The following LIN28B variants were observed in gnomAD, a reference collection of about 807,000 sequenced individuals.
LIN28B encodes the protein lin-28 RNA binding posttranscriptional regulator B.
A neutral mutation model predicts 21.9 loss-of-function variants in LIN28B; 5 were observed. The ratio of observed to expected loss-of-function variants is 0.23; its 90% CI spans 0.12 to 0.48. The LOEUF is 0.48. LIN28B is among the 20% of genes least tolerant of loss of function. The pLI is 0.98. For synonymous variants in LIN28B, 109 were observed against 111.3 expected, an observed-to-expected ratio of 0.98 and a Z score of 0.13; for missense variants, 245 against 310.5, an observed-to-expected ratio of 0.79 and a Z score of 1.58.
intron 3 of LIN28B, among the ~76,000 whole-genome samples, chr6:105,038,558 C>G (rs1047426816): frequency 3.3e-5 from 5 of 152,168 alleles, no homozygotes; most frequent in African/African-American, 1.2e-4. Context: ...TTCTTCACTT[C>G]CAAATCTTGT....
At chr6:105,017,057 A>G (rs1219559574) in intron 2 of LIN28B, among the ~76,000 whole-genome samples, 1 of 145,872 alleles carries the variant, frequency 6.9e-6, no homozygotes, top group African/African-American at 2.6e-5. Flanking sequence ...TGAGTGACAA[A>G]GCAAGACTCT....
intron 2 of LIN28B, among the ~76,000 whole-genome samples, chr6:104,943,084 C>G (rs1203283324): frequency 6.6e-6 from 1 of 152,092 alleles, no homozygotes; most frequent in Non-Finnish European, 1.5e-5. Context: ...GTATGTCAAT[C>G]TTATACTTTG....
intron 3 of LIN28B, among the ~76,000 whole-genome samples, chr6:105,041,696 G>A (rs1343046682): frequency 1.3e-5 from 2 of 152,166 alleles, no homozygotes; most frequent in Non-Finnish European, 2.9e-5. Context: ...ATGGCTGAAA[G>A]TAGTTGTTCT....
chr6:104,992,651 A>G (rs527859406), intron 2 of LIN28B, among the ~76,000 whole-genome samples: 43 of 152,018 alleles, frequency 2.8e-4, no homozygotes, highest in African/African-American at 1.0e-3. Flanking sequence ...GATCACGGTC[A>G]TGTGCCACCA....
chr6:104,962,134 C>T (rs1769759534), intron 2 of LIN28B, among the ~76,000 whole-genome samples: 1 of 152,040 alleles, frequency 6.6e-6, no homozygotes, highest in Non-Finnish European at 1.5e-5. Flanking sequence ...AGCTTATGTG[C>T]TTAATAATAC....
intron 3 of LIN28B, 42 bp downstream of exon 3, chr6:105,026,524 T>C (rs1188414665): frequency 7.6e-7 from 1 of 1,313,962 alleles, no homozygotes; most frequent in African/African-American, 1.5e-5. Context: ...TTATTGTGTT[T>C]GGAAAGGATT....
chr6:105,054,824 A>C (rs994097971), intron 3 of LIN28B, among the ~76,000 whole-genome samples: 1 of 144,698 alleles, frequency 6.9e-6, no homozygotes, highest in Non-Finnish European at 1.5e-5. Context: ...ATGTGGTTAC[A>C]TTTTTCTTGA....
intron 3 of LIN28B, among the ~76,000 whole-genome samples, chr6:105,037,340 A>C (rs1195652281): frequency 6.6e-6 from 1 of 152,170 alleles, no homozygotes; most frequent in Non-Finnish European, 1.5e-5. Context: ...ATGCAAGTCA[A>C]ATTCTGTTCT....
chr6:104,954,969 A>C (rs557682063), upstream of LIN28B, among the ~76,000 whole-genome samples: 205 of 152,344 alleles, frequency 1.3e-3, no homozygotes, highest in Non-Finnish European at 2.6e-3. Flanking sequence ...AAGCTAAACT[A>C]TACTGGCCTG....
intron 3 of LIN28B, among the ~76,000 whole-genome samples, chr6:105,042,389 T>C (rs1771656502): frequency 6.6e-6 from 1 of 152,212 alleles, no homozygotes; most frequent in Non-Finnish European, 1.5e-5. Flanking sequence ...CAGTGTGACC[T>C]GTACTAAATA....
intron 2 of LIN28B, among the ~76,000 whole-genome samples, chr6:104,981,135 A>G (rs1488837598): frequency 1.3e-5 from 2 of 152,144 alleles, no homozygotes; most frequent in Non-Finnish European, 2.9e-5. Flanking sequence ...TGTGTGTGCT[A>G]TCATTTCCCA....
chr6:105,067,194 A>G (rs932652380), intron 3 of LIN28B, among the ~76,000 whole-genome samples: 4 of 152,242 alleles, frequency 2.6e-5, no homozygotes, highest in African/African-American at 9.6e-5. Context: ...GATAAGTTAA[A>G]TATTGAACGT....
At chr6:105,011,034 A>G (rs1161872397) in intron 2 of LIN28B, among the ~76,000 whole-genome samples, 1 of 152,136 alleles carries the variant, frequency 6.6e-6, no homozygotes, top group Non-Finnish European at 1.5e-5. Context: ...TCTCACTCAG[A>G]TTGCTGCATC....
At chr6:105,020,831 C>T (rs1159512010) in intron 2 of LIN28B, among the ~76,000 whole-genome samples, 1 of 146,886 alleles carries the variant, frequency 6.8e-6, no homozygotes, top group Non-Finnish European at 1.5e-5. Context: ...CGGCTCACTG[C>T]AAGCTACTCC....
chr6:104,945,446 A>G (rs1778145614), intron 2 of LIN28B, among the ~76,000 whole-genome samples: 1 of 152,122 alleles, frequency 6.6e-6, no homozygotes, highest in Non-Finnish European at 1.5e-5. Flanking sequence ...ATGTATGTCA[A>G]TAAAATTTCC....
At chr6:105,048,869 G>A (rs537319952) in intron 3 of LIN28B, among the ~76,000 whole-genome samples, 1 of 152,080 alleles carries the variant, frequency 6.6e-6, no homozygotes, top group East Asian at 1.9e-4. Context: ...GATATCCCCT[G>A]TATCATTTTT....
intron 2 of LIN28B, among the ~76,000 whole-genome samples, chr6:104,990,569 A>ATTTTTT (rs71003465): frequency 7.0e-6 from 1 of 142,716 alleles, no homozygotes; most frequent in African/African-American, 2.6e-5. Context: ...TTTATTTTTT[A>ATTTTTT]TTTTTTTTTT....
intron 3 of LIN28B, among the ~76,000 whole-genome samples, chr6:105,053,871 C>G (rs757989701): frequency 1.2e-4 from 18 of 151,974 alleles, no homozygotes; most frequent in Non-Finnish European, 2.5e-4. Context: ...TTCAGGATTA[C>G]AGGCTGGGTT....
At chr6:105,007,403 T>G (rs1464446722) in intron 2 of LIN28B, among the ~76,000 whole-genome samples, 1 of 152,206 alleles carries the variant, frequency 6.6e-6, no homozygotes, top group Non-Finnish European at 1.5e-5. Flanking sequence ...ACTGGCAATG[T>G]TTAATAACTG....
Sources: gnomAD v4.1 joint callset for allele counts (sites outside exome capture counted in the v4.1 genomes callset) on GRCh38, gnomAD v4.1.1 for gene constraint, MANE v1.5 for transcripts, NCBI Gene and HGNC (gene_info 2026-07-23, HGNC 2026-07-21) for gene names.